GALC: variants seen among roughly 807,000 people sequenced by gnomAD.
GALC encodes the protein galactocerebrosidase.
Under a neutral mutation model 91.8 loss-of-function variants are expected in GALC, and 77 were observed. That is an observed-to-expected ratio of 0.84 (90% CI 0.70 to 1.01). The LOEUF is 1.01. GALC is among the 50% of genes least tolerant of loss of function. GALC has a pLI of 0.00. For synonymous variants in GALC, 357 were observed against 306.7 expected, an observed-to-expected ratio of 1.16 and a Z score of -1.71; for missense variants, 882 against 855.9, an observed-to-expected ratio of 1.03 and a Z score of -0.38.
chr14:87,984,562 A>G, intron 4 of GALC, 29 bp from the exon 5 acceptor site: 1 of 1,613,770 alleles, frequency 6.2e-7, no homozygotes, highest in Non-Finnish European at 8.5e-7. Flanking sequence ...AGGCAAAGGT[A>G]GAGGAGGTAT....
At chr14:87,936,363 C>T (rs1452091711) in intron 16 of GALC, among the ~76,000 whole-genome samples, 1 of 151,826 alleles carries the variant, frequency 6.6e-6, no homozygotes, top group Non-Finnish European at 1.5e-5. Flanking sequence ...ACATGCCAAC[C>T]GCCCTTTTTT....
In GALC at chr14:87,947,727, C is replaced by T. The variant is rs2139956292; in HGVS notation, c.1489+1G>A. 6.2e-7 allele frequency: 1 copy of T among 1,612,518 alleles called. No homozygotes were observed. Among genetic ancestry groups the T allele is most frequent in the Non-Finnish European group, 8.5e-7 (1 of 1,178,942 alleles). On this transcript the variant is annotated splice_donor_variant, in intron 13 of 16. Transcript: ENST00000261304. LOFTEE classifies it high-confidence loss of function. ...GTTAAGTTTTAGTGAAAAATACTCA[C>T]CAACATTGAAATCATCCTTATAGGT...
At position 87,965,561 on chromosome 14, in the gene GALC, G is replaced by A. The variant is rs748094096; in HGVS notation, c.977C>T (p.Thr326Met). ...GTGCCCACTCCATGGCTCCTGGGCC[G>A]TCATCAACCCGCATCTCCCATAAGG... Reference protein sequence around the residue: ...QLPYGRCGLMTAQEPWSGHYV... With the variant: ...QLPYGRCGLMMAQEPWSGHYV... The change falls in exon 9 of 17, where the codon ACG becomes ATG. Residue 326 changes from threonine to methionine, a missense_variant. By Grantham distance (81) the Thr-to-Met change is moderately conservative. Transcript: ENST00000261304. 24 of 1,613,144 alleles carry A rather than the reference G, an allele frequency of 1.5e-5. No homozygotes were observed. Among genetic ancestry groups the A allele is most frequent in the Admixed American group, 5.0e-5 (3 of 59,890 alleles).
chr14:87,944,976 A>G, intron 14 of GALC, among the ~76,000 whole-genome samples: 1 of 11,960 alleles, frequency 8.4e-5, no homozygotes, highest in Non-Finnish European at 6.3e-3. Flanking sequence ...GAAATTCTGT[A>G]ACTAAAGAGG....
At position 87,963,993 on chromosome 14, in the gene GALC, GA is replaced by G. The variant is rs1885921682; in HGVS notation, c.1034-483del. On this transcript the variant is annotated intron_variant, in intron 9 of 16. Transcript: ENST00000261304. ...GCAATATACCATGTCCCAACCCTTG[GA>G]AAAATCACAAAATTAAGAGTACATT... is the stretch of plus-strand genomic sequence containing the variant. Among the ~76,000 whole-genome samples the G allele has an allele frequency of 3.9e-5, 6 of 152,062 alleles. No individual in the cohort carries two copies. The South Asian group carries it at 1.0e-3, about 26-fold the overall frequency.
At position 87,975,757 on chromosome 14, in the gene GALC, T is replaced by TACAC. The variant is rs61368820; in HGVS notation, c.752+597_752+600dup. The stretch of plus-strand genomic sequence containing the variant: ...AAAGAACAAATTCTACACACATACA[T>TACAC]ACACACACACACACACACAAACATA... On this transcript the variant is annotated intron_variant, in intron 7 of 16. Transcript: ENST00000261304. 7.9e-3 allele frequency among the ~76,000 whole-genome samples: 1,179 copies of TACAC among 150,036 alleles called. 17 individuals carry two copies. Among genetic ancestry groups the TACAC allele is most frequent in the East Asian group, 0.045 (229 of 5,146 alleles).
At chr14:87,991,226 G>A (rs1887185936) in intron 1 of GALC, among the ~76,000 whole-genome samples, 1 of 151,994 alleles carries the variant, frequency 6.6e-6, no homozygotes, top group South Asian at 2.1e-4. Context: ...TGTTTTGAAC[G>A]GAGTCTCACT....
intron 7 of GALC, among the ~76,000 whole-genome samples, chr14:87,972,520 C>T (rs1886336471): frequency 6.6e-6 from 1 of 151,968 alleles, no homozygotes; most frequent in South Asian, 2.1e-4. Context: ...AAGCTATTAT[C>T]CGATGATTTT....
At chr14:87,950,830 AG>A (rs1885276103) in intron 10 of GALC, 82 bp from the exon 11 acceptor site, 1 of 789,460 alleles carries the variant, frequency 1.3e-6, no homozygotes, top group African/African-American at 1.7e-5. Flanking sequence ...TTAATGCCCA[AG>A]ATTAACAGAA....
chr14:87,993,230 C>G (rs146439771), upstream of GALC: 4 of 1,546,288 alleles, frequency 2.6e-6, no homozygotes, highest in Non-Finnish European at 3.5e-6. Flanking sequence ...TAGATACGGG[C>G]AGGAGGCCGC....
chr14:87,989,970 T>C (rs1887130707), intron 1 of GALC, among the ~76,000 whole-genome samples: 1 of 152,204 alleles, frequency 6.6e-6, no homozygotes, highest in Non-Finnish European at 1.5e-5. Flanking sequence ...TCTATTCTTA[T>C]GCCTGGAATG....
intron 16 of GALC, among the ~76,000 whole-genome samples, chr14:87,938,339 A>T (rs1354070949): frequency 1.3e-5 from 2 of 152,018 alleles, no homozygotes; most frequent in Admixed American, 1.3e-4. Context: ...TTAGAGAGTG[A>T]GATGGGGCGC....
At chr14:87,968,804 T>C (rs889262246) in intron 7 of GALC, among the ~76,000 whole-genome samples, 3 of 152,106 alleles carry the variant, frequency 2.0e-5, no homozygotes, top group Non-Finnish European at 4.4e-5. Context: ...TGGAAGCATG[T>C]TGAAGGATGG....
rs1566980728 is a variant in GALC, at chr14:87,955,053, C to T, written c.1162-4305G>A. On this transcript the variant is annotated intron_variant, in intron 10 of 16. Coordinates refer to ENST00000261304, the MANE Select transcript of GALC (RefSeq NM_000153.4). ...GGATGGTCATGGCAGACCTGTTACA[C>T]TCCTTGTCGGCAGTCAGCGCAGAAC... is the stretch of plus-strand genomic sequence containing the variant. 3.0e-6 allele frequency: 4 copies of T among 1,347,726 alleles called. No homozygotes were observed. The South Asian group carries it at 3.5e-5, about 12-fold the overall frequency. The allele number at this position is 1,347,726 out of a possible 1,614,324, so 83.5% of individuals were successfully genotyped here.
At position 87,963,477 on chromosome 14, in the gene GALC, A is replaced by G. The variant is rs1349405657; in HGVS notation, c.1068T>C (p.Tyr356=). The G allele has an allele frequency of 1.2e-6, 2 of 1,613,268 alleles. No homozygotes were observed. Among genetic ancestry groups the G allele is most frequent in the South Asian group, 1.1e-5 (1 of 91,070 alleles). Residue 356 remains tyrosine, a synonymous_variant, in exon 10 of 17, where the codon TAT becomes TAC. Transcript: ENST00000261304. ...CTAAATGGCCAACTGTCTTCAGGTAATACCAGCCAGGTTGAGTAAACTGAG... is the reference window on the plus strand; with the variant it reads ...CTAAATGGCCAACTGTCTTCAGGTAGTACCAGCCAGGTTGAGTAAACTGAG... ...HTTQFTQPGW[Y]YLKTVGHLEK...
chr14:87,958,359 TAAAA>T (rs1334404425), intron 10 of GALC, among the ~76,000 whole-genome samples: 1 of 151,570 alleles, frequency 6.6e-6, no homozygotes, highest in East Asian at 1.9e-4. Flanking sequence ...GAATAATCAC[TAAAA>T]AAAACTCACA....
chr14:87,974,482 A>G (rs1228694869), intron 7 of GALC, among the ~76,000 whole-genome samples: 2 of 152,188 alleles, frequency 1.3e-5, no homozygotes, highest in African/African-American at 2.4e-5. Flanking sequence ...GCTTCCACAC[A>G]GCAAAAACTG....
chr14:87,936,512 G>A (rs1221488159), intron 16 of GALC, among the ~76,000 whole-genome samples: 4 of 151,536 alleles, frequency 2.6e-5, no homozygotes, highest in East Asian at 2.0e-4. Flanking sequence ...CATGGCCCAC[G>A]AAGTCTAAAA....
intron 14 of GALC, among the ~76,000 whole-genome samples, chr14:87,943,987 A>T (rs1050472963): frequency 4.6e-5 from 7 of 151,966 alleles, no homozygotes; most frequent in African/African-American, 1.7e-4. Flanking sequence ...GGCTTCAGAA[A>T]GATGAAGGCA....
Sources: allele counts gnomAD v4.1 joint callset (sites outside exome capture counted in the v4.1 genomes callset), GRCh38; gene constraint gnomAD v4.1.1; transcripts MANE v1.5; gene names NCBI Gene and HGNC (gene_info 2026-07-23, HGNC 2026-07-21).